Variants in PRIM2 observed in about 807,000 individuals in gnomAD.
PRIM2 encodes DNA primase large subunit.
A neutral mutation model predicts 67.3 loss-of-function variants in PRIM2; 39 were observed. That is an observed-to-expected ratio of 0.58 (90% CI 0.45 to 0.76). PRIM2 has a LOEUF of 0.76. Among genes scored for constraint, PRIM2 ranks in the 30% least tolerant of loss-of-function variants. The probability of loss-of-function intolerance (pLI) is 0.00; values close to 1 mark genes in which losing one functional copy is unlikely to be tolerated. For synonymous variants in PRIM2, 143 were observed against 198.7 expected, an observed-to-expected ratio of 0.72 and a Z score of 2.36; for missense variants, 398 against 598.7, an observed-to-expected ratio of 0.66 and a Z score of 3.50.
At chr6:57,384,568 A>G (rs1391067115) in intron 7 of PRIM2, among the ~76,000 whole-genome samples, 1 of 152,190 alleles carries the variant, frequency 6.6e-6, no homozygotes, top group Non-Finnish European at 1.5e-5. Context: ...TCACATGTCT[A>G]TCACTAAAGC....
the PRIM2 span, among the ~76,000 whole-genome samples, chr6:57,248,398 G>T: frequency 6.6e-5 from 10 of 152,150 alleles, no homozygotes; most frequent in Non-Finnish European, 1.3e-4. Context: ...TTGGTTGAGG[G>T]TGGGTTGTTG....
At chr6:57,292,958 G>A in the PRIM2 span, among the ~76,000 whole-genome samples, 2 of 152,150 alleles carry the variant, frequency 1.3e-5, no homozygotes, top group Admixed American at 6.6e-5. Flanking sequence ...AACACCAAAA[G>A]CAATGGCAAC....
At chr6:57,490,679 A>G (rs1773868115) in intron 7 of PRIM2, among the ~76,000 whole-genome samples, 1 of 152,242 alleles carries the variant, frequency 6.6e-6, no homozygotes, top group Admixed American at 6.5e-5. Context: ...AATCAGATAA[A>G]TAGGATGGAT....
chr6:57,456,720 G>A (rs1772798421), intron 7 of PRIM2, among the ~76,000 whole-genome samples: 1 of 151,486 alleles, frequency 6.6e-6, no homozygotes, highest in South Asian at 2.1e-4. Context: ...TAACTTCTTT[G>A]CCATGGGTTC....
the PRIM2 span, among the ~76,000 whole-genome samples, chr6:57,270,438 T>G: frequency 1.3e-5 from 2 of 152,216 alleles, no homozygotes; most frequent in South Asian, 2.1e-4. Context: ...TGTCTGTTAT[T>G]GGTGTATAAG....
chr6:57,548,860 G>A (rs1399680831), intron 10 of PRIM2, among the ~76,000 whole-genome samples: 1 of 152,020 alleles, frequency 6.6e-6, no homozygotes, highest in African/African-American at 2.4e-5. Flanking sequence ...GGCGTATTTA[G>A]GGCTTAAAGA....
chr6:57,471,091 T>A (rs1246997896), intron 7 of PRIM2, among the ~76,000 whole-genome samples: 7 of 136,870 alleles, frequency 5.1e-5, no homozygotes, highest in South Asian at 2.2e-4. Context: ...GGATACTTAT[T>A]TTTTTTTTTC....
intron 5 of PRIM2, among the ~76,000 whole-genome samples, chr6:57,330,548 A>T (rs893518961): frequency 7.2e-5 from 11 of 151,740 alleles, no homozygotes; most frequent in East Asian, 3.9e-4. Flanking sequence ...TTTATAGTGG[A>T]TTCATTATGA....
intron 10 of PRIM2, among the ~76,000 whole-genome samples, chr6:57,563,785 C>G (rs1454809872): frequency 6.6e-6 from 1 of 152,060 alleles, no homozygotes; most frequent in Non-Finnish European, 1.5e-5. Context: ...GTCAGCCTCC[C>G]GAGTATCTGG....
At chr6:57,540,884 C>T (rs1299452228) in intron 10 of PRIM2, among the ~76,000 whole-genome samples, 2 of 152,216 alleles carry the variant, frequency 1.3e-5, no homozygotes, top group Admixed American at 6.5e-5. Context: ...CTGCTTAAAA[C>T]GCTCTGTGAT....
intron 12 of PRIM2, among the ~76,000 whole-genome samples, chr6:57,620,697 A>G (rs1381892421): frequency 6.6e-6 from 1 of 152,264 alleles, no homozygotes. Flanking sequence ...CAGGCAACCA[A>G]GAGCATGATG....
intron 10 of PRIM2, among the ~76,000 whole-genome samples, chr6:57,583,453 A>G (rs1317900932): frequency 6.6e-6 from 1 of 150,620 alleles, no homozygotes; most frequent in Admixed American, 6.6e-5. Context: ...GCGATAGTTT[A>G]CTGAGAATGA....
chr6:57,366,881 G>T (rs1355054090), intron 5 of PRIM2, among the ~76,000 whole-genome samples: 3 of 152,148 alleles, frequency 2.0e-5, no homozygotes, highest in Non-Finnish European at 4.4e-5. Flanking sequence ...TGCTAGCACG[G>T]TGTTCTCATG....
At chr6:57,361,681 A>T (rs1233448573) in intron 5 of PRIM2, among the ~76,000 whole-genome samples, 1 of 151,396 alleles carries the variant, frequency 6.6e-6, no homozygotes, top group Non-Finnish European at 1.5e-5. Flanking sequence ...AGCACATCCT[A>T]TGTAGAAATT....
the PRIM2 span, among the ~76,000 whole-genome samples, chr6:57,239,360 G>C: frequency 2.6e-5 from 4 of 152,084 alleles, no homozygotes; most frequent in Non-Finnish European, 5.9e-5. Flanking sequence ...TAATGTCTCT[G>C]TACCTTTGAA....
At chr6:57,587,103 G>C (rs1292265556) in intron 10 of PRIM2, 1 of 152,144 alleles carries the variant, frequency 6.6e-6, no homozygotes, top group South Asian at 2.1e-4. Flanking sequence ...TAAACTTTTC[G>C]TCTAGAAACT....
At chr6:57,279,790 A>G in the PRIM2 span, among the ~76,000 whole-genome samples, 3 of 152,196 alleles carry the variant, frequency 2.0e-5, no homozygotes, top group Non-Finnish European at 4.4e-5. Context: ...TGTGTGATAA[A>G]TGCAAAAAGC....
chr6:57,238,864 C>G, the PRIM2 span, among the ~76,000 whole-genome samples: 104 of 152,332 alleles, frequency 6.8e-4, 1 homozygote, highest in African/African-American at 2.5e-3. Context: ...TGCTTAACAG[C>G]CTTGAATAAC....
chr6:57,607,925 G>T (rs1287204393), intron 12 of PRIM2, among the ~76,000 whole-genome samples: 1 of 151,982 alleles, frequency 6.6e-6, no homozygotes, highest in African/African-American at 2.4e-5. Flanking sequence ...GGAGTCCTAG[G>T]ATGTGACATG....
Sources: allele counts gnomAD v4.1 joint callset (sites outside exome capture counted in the v4.1 genomes callset), GRCh38; gene constraint gnomAD v4.1.1; transcripts MANE v1.5; gene names NCBI Gene and HGNC (gene_info 2026-07-23, HGNC 2026-07-21).